Variants in RBM19 observed in about 807,000 individuals in gnomAD.
The protein encoded by RBM19 is probable RNA-binding protein 19.
A neutral mutation model predicts 116.8 loss-of-function variants in RBM19; 94 were observed. That is an observed-to-expected ratio of 0.80 (90% confidence interval 0.68 to 0.95). The LOEUF (loss-of-function observed/expected upper bound fraction) is 0.95, where lower values mean the gene tolerates loss of function less well. Among genes scored for constraint, RBM19 ranks in the 40% least tolerant of loss-of-function variants. The pLI is 0.00. For missense variants in RBM19, 1,161 were observed against 1,220.7 expected (o/e 0.95, Z 0.73); for synonymous variants, 475 against 494.1 (o/e 0.96, Z 0.51).
rs564118322 is a variant in RBM19, at chr12:113,875,817, G to T, written c.2559-16921C>A. 2.6e-5 allele frequency among the ~76,000 whole-genome samples: 4 copies of T among 152,268 alleles called. No homozygotes were observed. The South Asian group carries it at 8.3e-4, about 32-fold the overall frequency. ...AGTCAATGATCGTGTCTCTGGCGAC[G>T]CACAAAGCCCAGGATGTGCTTCATC... On this transcript the variant is annotated intron_variant, in intron 21 of 23. Transcript: ENST00000261741.
chr12:113,947,461 G>A lies in RBM19; in HGVS notation c.1280C>T (p.Pro427Leu), dbSNP rs759110663. The change falls in exon 11 of 24, where the codon CCC (proline) becomes CTC (leucine). Residue 427 changes from proline to leucine, a missense_variant. Physicochemically the swap from Pro to Leu is moderately conservative, Grantham distance 98. Coordinates refer to ENST00000261741, the MANE Select transcript of RBM19 (RefSeq NM_016196.4). ...GATGGGGTAGTGGAGCTCAGACAGG[G>A]GACCTGAGGACAGGAGAAGTGTCGG... ...DLEKLFSKYG[P>L]LSELHYPIDS... The A allele has an allele frequency of 6.3e-7, 1 of 1,595,814 alleles. No individual in the cohort carries two copies. The highest frequency in any genetic ancestry group is 1.3e-5 in the African/African-American group (1 of 74,678).
intron 17 of RBM19, among the ~76,000 whole-genome samples, chr12:113,925,019 T>C (rs1457836078): frequency 6.6e-6 from 1 of 152,212 alleles, no homozygotes; most frequent in East Asian, 1.9e-4. Context: ...CTGCAGATCA[T>C]GCAATCGGGA....
intron 18 of RBM19, among the ~76,000 whole-genome samples, 174 bp from the exon 19 acceptor site, chr12:113,920,864 C>T (rs562945159): frequency 6.6e-6 from 1 of 152,114 alleles, no homozygotes; most frequent in Non-Finnish European, 1.5e-5. Context: ...GTCATCTTGA[C>T]GAATCAGCCA....
chr12:113,869,294 C>T (rs992989457), intron 21 of RBM19, among the ~76,000 whole-genome samples: 1 of 152,198 alleles, frequency 6.6e-6, no homozygotes, highest in East Asian at 1.9e-4. Context: ...TCCCTCTTAT[C>T]CACATGGATA....
chr12:113,836,308 C>T (rs1875881156), intron 23 of RBM19, among the ~76,000 whole-genome samples: 1 of 152,114 alleles, frequency 6.6e-6, no homozygotes. Context: ...TCTTGCTATT[C>T]CCTTTTGAAA....
chr12:113,893,784 T>C (rs952498229), intron 21 of RBM19, among the ~76,000 whole-genome samples: 9 of 152,256 alleles, frequency 5.9e-5, no homozygotes, highest in African/African-American at 2.2e-4. Context: ...ATACAGGTTT[T>C]TGGCTCTTTC....
At chr12:113,829,382 G>A (rs1267832512) in intron 23 of RBM19, among the ~76,000 whole-genome samples, 2 of 152,196 alleles carry the variant, frequency 1.3e-5, no homozygotes, top group African/African-American at 2.4e-5. Flanking sequence ...GCCGCAGACT[G>A]GCCTCTGCCA....
Position 113,903,805 on chromosome 12 carries a change from T to C in RBM19, c.2558+11164A>G, listed in dbSNP as rs1881867426. Among the ~76,000 whole-genome samples, 1 of 152,204 alleles carries C rather than the reference T, an allele frequency of 6.6e-6. No homozygotes were observed. The highest frequency in any genetic ancestry group is 2.4e-5 in the African/African-American group (1 of 41,442). On this transcript the variant is annotated intron_variant, in intron 21 of 23. Coordinates refer to ENST00000261741, the MANE Select transcript of RBM19 (RefSeq NM_016196.4). This position sits in a 1 kb window ranked among gnomAD's most constrained non-coding sequence, Gnocchi z 5.1. ...CCCTATATCAGATCTTCTATCTTGATATAATCTGGGTAGTTCCTGTCTCTC... is the reference window on the plus strand; with the variant it reads ...CCCTATATCAGATCTTCTATCTTGACATAATCTGGGTAGTTCCTGTCTCTC...
chr12:113,886,917 C>CA lies in RBM19; in HGVS notation c.2559-28022dup, dbSNP rs1274225808. 2.0e-5 allele frequency among the ~76,000 whole-genome samples: 3 copies of CA among 152,256 alleles called. No homozygotes were observed. In the East Asian group the frequency reaches 5.8e-4, roughly 29 times the overall value. On this transcript the variant is annotated intron_variant, in intron 21 of 23. Transcript: ENST00000261741. ...ACTTTAGAGATGAACACCTGTTTCT[C>CA]AGAGGAATGCAGAAAGCCTGCGCTG...
chr12:113,921,590 G>T (rs947463264), intron 18 of RBM19, among the ~76,000 whole-genome samples: 1 of 152,148 alleles, frequency 6.6e-6, no homozygotes, highest in Non-Finnish European at 1.5e-5. Flanking sequence ...TTGACAGCAG[G>T]TGTTACAAAA....
intron 10 of RBM19, 137 bp downstream of exon 10, chr12:113,948,696 C>T: frequency 1.2e-6 from 1 of 837,790 alleles, no homozygotes; most frequent in Non-Finnish European, 1.8e-6. Context: ...GGTACTTGGT[C>T]CCATTTTACA....
intron 21 of RBM19, among the ~76,000 whole-genome samples, chr12:113,876,197 G>A (rs573015928): frequency 5.4e-4 from 83 of 152,300 alleles, no homozygotes; most frequent in African/African-American, 1.9e-3. Flanking sequence ...ATATCTGGGT[G>A]GGGGGCTGCT....
At chr12:113,880,720 C>T (rs536820574) in intron 21 of RBM19, among the ~76,000 whole-genome samples, 7 of 152,242 alleles carry the variant, frequency 4.6e-5, no homozygotes, top group African/African-American at 1.7e-4. Context: ...AACCCCATCG[C>T]CCCATAACAA....
rs371195151 is a variant in RBM19 at position 113,854,180 on chromosome 12, GCCT to G, written c.2664+4608_2664+4610del. ...GCCTTGGTTTCCCAGCTGTCAAATG[GCCT>G]CCTACCACCTATCTCCTAGAGTCCC... On this transcript the variant is annotated intron_variant, in intron 22 of 23. Transcript: ENST00000261741. Among the ~76,000 whole-genome samples the G allele has an allele frequency of 3.4e-4, 52 of 152,156 alleles. 1 individual carries two copies. The highest frequency in any genetic ancestry group is 1.1e-3 in the African/African-American group (45 of 41,518).
intron 21 of RBM19, among the ~76,000 whole-genome samples, chr12:113,872,043 CGT>C (rs1288732086): frequency 4.2e-5 from 6 of 143,634 alleles, no homozygotes; most frequent in Non-Finnish European, 6.1e-5. Context: ...AAGTGAGGAG[CGT>C]CTCCGCCCAG....
chr12:113,937,083 G>A lies in RBM19; in HGVS notation c.1992C>T (p.Ser664=). The A allele has an allele frequency of 6.2e-7, 1 of 1,614,084 alleles. No homozygotes were observed. The highest frequency in any genetic ancestry group is 1.3e-5 in the African/African-American group (1 of 75,026). The change falls in exon 16 of 24, where the codon AGC becomes AGT. Residue 664 remains serine (S), a synonymous_variant. Coordinates refer to ENST00000261741, the MANE Select transcript of RBM19 (RefSeq NM_016196.4). ...GGAGCTTTTTCTTCTGTGGGGCTGTGCTGGAGAAGACGCCAACTGGAGCCC... is the reference window on the plus strand; with the variant it reads ...GGAGCTTTTTCTTCTGTGGGGCTGTACTGGAGAAGACGCCAACTGGAGCCC... The part of the protein sequence containing the change: ...LEWAPVGVFS[S]TAPQKKKLQD...
Position 113,844,647 on chromosome 12 carries a change from AAAAGACCGTCC to A in RBM19, c.2785+10_2785+20del. On this transcript the variant is annotated intron_variant, in intron 23 of 23. Coordinates refer to ENST00000261741, the MANE Select transcript of RBM19 (RefSeq NM_016196.4). ...CCCCAGGGGGCCCATGAGTCAGCCC[AAAAGACCGTCC>A]CGCTCCTACCGTGAAAGTGAGCGGC... 6.3e-7 allele frequency: 1 copy of A among 1,599,970 alleles called. No homozygotes were observed. The highest frequency in any genetic ancestry group is 8.5e-7 in the Non-Finnish European group (1 of 1,172,596).
intron 21 of RBM19, among the ~76,000 whole-genome samples, chr12:113,866,459 G>A (rs375087924): frequency 5.3e-5 from 8 of 152,258 alleles, no homozygotes; most frequent in Admixed American, 1.3e-4. Flanking sequence ...CAGAGTCAGG[G>A]CCTGCGTTTC....
intron 19 of RBM19, among the ~76,000 whole-genome samples, chr12:113,920,341 C>T (rs1200864392): frequency 1.3e-5 from 2 of 152,226 alleles, no homozygotes; most frequent in Non-Finnish European, 2.9e-5. Flanking sequence ...ACGTGAGCAA[C>T]CTCTCCCAGG....
Sources: allele counts gnomAD v4.1 joint callset (sites outside exome capture counted in the v4.1 genomes callset), GRCh38; gene constraint gnomAD v4.1.1; non-coding constraint Gnocchi (gnomAD v3.1); transcripts MANE v1.5; gene names NCBI Gene and HGNC (gene_info 2026-07-23, HGNC 2026-07-21).